Variants in ABTB2 observed in about 807,000 individuals in gnomAD.
ABTB2 encodes the protein ankyrin repeat and BTB/POZ domain-containing protein 2.
A neutral mutation model predicts 104.1 loss-of-function variants in ABTB2; 56 were observed. That is an observed-to-expected ratio of 0.54 (90% CI 0.43 to 0.67). ABTB2 has a LOEUF of 0.67. Among genes scored for constraint, ABTB2 ranks in the 30% least tolerant of loss-of-function variants. The probability of loss-of-function intolerance (pLI) is 0.00; values close to 1 mark genes in which losing one functional copy is unlikely to be tolerated. For synonymous variants in ABTB2, 606 were observed against 608.2 expected, an observed-to-expected ratio of 1.00 and a Z score of 0.05; for missense variants, 1,279 against 1,407.7, an observed-to-expected ratio of 0.91 and a Z score of 1.46.
At chr11:34,196,582 AGGCTGACAT>A (rs1853259394) in intron 3 of ABTB2, among the ~76,000 whole-genome samples, 1 of 152,106 alleles carries the variant, frequency 6.6e-6, no homozygotes, top group Non-Finnish European at 1.5e-5. Flanking sequence ...TCCTGTCCTC[AGGCTGACAT>A]GGCCCCACGT....
chr11:34,268,086 A>G (rs1854271981), intron 1 of ABTB2, among the ~76,000 whole-genome samples: 1 of 152,064 alleles, frequency 6.6e-6, no homozygotes, highest in African/African-American at 2.4e-5. Flanking sequence ...GCCAGCCACC[A>G]TGCTCGGCTA....
In ABTB2 at chr11:34,278,946, CTG is replaced by C. The variant is rs1293263856; in HGVS notation, c.884-74258_884-74257del. Among the ~76,000 whole-genome samples, 6 of 152,216 alleles carry C rather than the reference CTG, an allele frequency of 3.9e-5. No homozygotes were observed. In the East Asian group the frequency reaches 1.2e-3, roughly 29 times the overall value. On this transcript the variant is annotated intron_variant, in intron 1 of 16. Coordinates refer to ENST00000435224, the MANE Select transcript of ABTB2 (RefSeq NM_145804.3). ...AGCCACTGTGGAAGTGCAATGGACT[CTG>C]GAGATTACAATTAACCTCTGGGGCA...
intron 1 of ABTB2, among the ~76,000 whole-genome samples, chr11:34,271,053 C>T (rs898769559): frequency 2.6e-5 from 4 of 152,214 alleles, no homozygotes; most frequent in African/African-American, 7.2e-5. Flanking sequence ...CAGGGAGTAA[C>T]AAGCAGCCAC....
In ABTB2 at chr11:34,356,730, T is replaced by C; in HGVS notation, c.854A>G (p.Glu285Gly). The C allele has an allele frequency of 1.2e-6, 2 of 1,607,964 alleles. No homozygotes were observed. Among genetic ancestry groups the C allele is most frequent in the Non-Finnish European group, 1.7e-6 (2 of 1,176,158 alleles). Residue 285 changes from glutamate (E) to glycine (G), a missense_variant, in exon 1 of 17, where the codon GAG becomes GGG. By Grantham distance (98) the Glu-to-Gly change is moderately conservative. Transcript: ENST00000435224. The surrounding 1 kb of genome is among the most constrained non-coding windows in gnomAD (Gnocchi z 4.6). ...AELWGVLQPYEHLICGKNANG... is the reference protein window; with the variant it reads ...AELWGVLQPYGHLICGKNANG... ...GGCGTTCTTGCCGCAGATGAGATGC[T>C]CATAGGGCTGCAAGACGCCCCAGAG... is the stretch of plus-strand genomic sequence containing the variant.
chr11:34,269,942 C>A (rs1854293863), intron 1 of ABTB2, among the ~76,000 whole-genome samples: 1 of 152,210 alleles, frequency 6.6e-6, no homozygotes, highest in Non-Finnish European at 1.5e-5. Context: ...GACATTATCC[C>A]CATTTTACAG....
chr11:34,272,729 AAAC>A (rs1854334710), intron 1 of ABTB2, among the ~76,000 whole-genome samples: 4 of 123,956 alleles, frequency 3.2e-5, no homozygotes, highest in Admixed American at 1.9e-4. Context: ...AAAAAAAAAA[AAAC>A]CAACCAACCA....
intron 14 of ABTB2, among the ~76,000 whole-genome samples, chr11:34,158,141 G>A (rs1030427341): frequency 4.6e-5 from 7 of 152,206 alleles, no homozygotes; most frequent in Admixed American, 1.3e-4. Flanking sequence ...GAGGCTGGGC[G>A]CAGTGGCTCA....
At chr11:34,269,615 G>A (rs1314696536) in intron 1 of ABTB2, among the ~76,000 whole-genome samples, 2 of 152,252 alleles carry the variant, frequency 1.3e-5, no homozygotes, top group Non-Finnish European at 2.9e-5. Context: ...TGGTAAGGCT[G>A]TGTCCCAACG....
At chr11:34,181,237 AAAACAAACAAAC>A (rs148951380) in intron 3 of ABTB2, among the ~76,000 whole-genome samples, 4 of 150,882 alleles carry the variant, frequency 2.7e-5, no homozygotes, top group Non-Finnish European at 4.4e-5. Context: ...TGCAGCCTGG[AAAACAAACAAAC>A]AAACAAACAA....
At chr11:34,160,772 CGTGTGA>C in intron 11 of ABTB2, 125 bp downstream of exon 11, 1 of 954,144 alleles carries the variant, frequency 1.0e-6, no homozygotes, top group Non-Finnish European at 1.5e-6. Flanking sequence ...TGAGGGCAGG[CGTGTGA>C]GTGTGTGTGC....
chr11:34,324,818 A>G (rs1855049083), intron 1 of ABTB2, among the ~76,000 whole-genome samples: 2 of 152,350 alleles, frequency 1.3e-5, no homozygotes, highest in Admixed American at 1.3e-4. Context: ...ACAAAGACGC[A>G]CAAAGACACC....
At chr11:34,184,874 CAG>C (rs1431912184) in intron 3 of ABTB2, among the ~76,000 whole-genome samples, 3 of 152,250 alleles carry the variant, frequency 2.0e-5, no homozygotes, top group Non-Finnish European at 2.9e-5. Context: ...GGTGGCTCAC[CAG>C]AGACCACGAG....
chr11:34,199,739 A>T (rs990476213), intron 2 of ABTB2, among the ~76,000 whole-genome samples: 5 of 152,192 alleles, frequency 3.3e-5, no homozygotes, highest in South Asian at 4.1e-4. Flanking sequence ...CAGTTTTCTC[A>T]TCTGTAAAAT....
chr11:34,179,971 C>G (rs185808467), intron 3 of ABTB2, among the ~76,000 whole-genome samples: 7 of 152,194 alleles, frequency 4.6e-5, no homozygotes, highest in Admixed American at 4.6e-4. Flanking sequence ...ATGTAAAATA[C>G]TTACCATCAT....
At chr11:34,355,265 A>AAAACAAAC (rs3832736) in intron 1 of ABTB2, among the ~76,000 whole-genome samples, 18 of 152,088 alleles carry the variant, frequency 1.2e-4, no homozygotes, top group African/African-American at 4.1e-4. Flanking sequence ...TCCAGTAAGA[A>AAAACAAAC]AAACAAACAA....
In ABTB2 at chr11:34,151,508, G is replaced by A. The variant is rs184071947; in HGVS notation, c.*879C>T. 1.3e-5 allele frequency: 2 copies of A among 152,352 alleles called. No individual in the cohort carries two copies. Among genetic ancestry groups the A allele is most frequent in the African/African-American group, 4.8e-5 (2 of 41,576 alleles). 9.4% of individuals were successfully genotyped at this position (152,352 alleles called of 1,614,324 possible). ...AAGGAGCCGAGAGACTTGACCAGGG[G>A]ACTCTGCTTCATCGCCCCCACAAAG... On this transcript the variant is annotated 3_prime_UTR_variant, in exon 17 of 17. Transcript: ENST00000435224.
In ABTB2 at chr11:34,197,186, C is replaced by T. The variant is rs190046298; in HGVS notation, c.1244+139G>A. On this transcript the variant is annotated intron_variant, in intron 3 of 16. Transcript: ENST00000435224. ...GCCTTCATCCATCGGAATTCCTGGG[C>T]CACCTCCTCACAGGCATAGCACAGT... is the stretch of plus-strand genomic sequence containing the variant. 2.0e-5 allele frequency: 19 copies of T among 946,768 alleles called. No individual in the cohort carries two copies. The Admixed American group carries it at 3.1e-4, about 15-fold the overall frequency. 58.6% of individuals were successfully genotyped at this position (946,768 alleles called of 1,614,324 possible).
intron 3 of ABTB2, among the ~76,000 whole-genome samples, chr11:34,179,408 A>T (rs924644038): frequency 1.3e-5 from 2 of 152,330 alleles, no homozygotes; most frequent in Admixed American, 6.5e-5. Context: ...GTTGCTGTGG[A>T]AGACCACAGC....
At chr11:34,282,092 A>G (rs990232762) in intron 1 of ABTB2, among the ~76,000 whole-genome samples, 6 of 152,212 alleles carry the variant, frequency 3.9e-5, no homozygotes, top group African/African-American at 7.2e-5. Context: ...ATCAAGGGAG[A>G]TAAGTGTCCA....
Sources: gnomAD v4.1 joint callset for allele counts (sites outside exome capture counted in the v4.1 genomes callset) on GRCh38, gnomAD v4.1.1 for gene constraint, Gnocchi (gnomAD v3.1) non-coding constraint, MANE v1.5 for transcripts, NCBI Gene and HGNC (gene_info 2026-07-23, HGNC 2026-07-21) for gene names.